Variants in PCDHA1 observed in about 807,000 individuals in gnomAD.
PCDHA1 encodes protocadherin alpha 1, also known as protocadherin alpha-1.
PCDHA1 carries 42 observed loss-of-function variants against 61.3 expected under a neutral mutation model. The ratio of observed to expected loss-of-function variants is 0.69; its 90% CI spans 0.54 to 0.89. The LOEUF (loss-of-function observed/expected upper bound fraction) is 0.89. Ranked by LOEUF, PCDHA1 falls within the 40% of genes least tolerant of loss-of-function variation. PCDHA1 has a pLI of 0.00. For synonymous variants in PCDHA1, 610 were observed against 553.8 expected (o/e 1.10, Z -1.43); for missense variants, 1,256 against 1,235.3 (o/e 1.02, Z -0.25).
At chr5:140,982,241 T>G in intron 2 of PCDHA1, 1 of 696,668 alleles carries the variant, frequency 1.4e-6, no homozygotes, top group South Asian at 3.3e-5. Context: ...AGAATTGCCA[T>G]AAAGATAGAA....
chr5:140,948,495 G>T (rs2094260954), intron 1 of PCDHA1, among the ~76,000 whole-genome samples: 1 of 151,424 alleles, frequency 6.6e-6, no homozygotes, highest in African/African-American at 2.4e-5. Context: ...TTCTTTCATA[G>T]ACTTTCTATT....
At chr5:140,855,966 TAAGAA>T in intron 1 of PCDHA1, 1 of 1,422,780 alleles carries the variant, frequency 7.0e-7, no homozygotes, top group Non-Finnish European at 9.5e-7. Context: ...AAAATAGATA[TAAGAA>T]ATAGGACAGA....
At chr5:140,823,119 C>A in intron 1 of PCDHA1, 1 of 1,614,054 alleles carries the variant, frequency 6.2e-7, no homozygotes, top group Non-Finnish European at 8.5e-7. Context: ...CCGACGTGAA[C>A]GACAACGCTC....
At position 140,795,794 on chromosome 5, in the gene PCDHA1, T is replaced by C. The variant is rs199883861; in HGVS notation, c.2394+7110T>C. On this transcript the variant is annotated intron_variant, in intron 1 of 3. Coordinates refer to ENST00000504120, the MANE Select transcript of PCDHA1 (RefSeq NM_018900.4). ...GCAGATGAAGGACCGAACAGCGAGA[T>C]TGTGTATTCACTCGGTAGTGATGTG... The C allele has an allele frequency of 2.3e-5, 37 of 1,613,644 alleles. 1 individual carries two copies. The South Asian group carries it at 3.3e-4, about 14-fold the overall frequency.
At chr5:140,821,208 T>A (rs879956667) in intron 1 of PCDHA1, among the ~76,000 whole-genome samples, 1 of 152,160 alleles carries the variant, frequency 6.6e-6, no homozygotes, top group Non-Finnish European at 1.5e-5. Flanking sequence ...AAGTTTTAAT[T>A]AGATATGTTT....
chr5:140,790,005 T>C (rs782721405), intron 1 of PCDHA1, among the ~76,000 whole-genome samples: 11 of 152,240 alleles, frequency 7.2e-5, no homozygotes, highest in Non-Finnish European at 4.4e-5. Context: ...GGAGTCATTA[T>C]TTCAAAAATC....
intron 1 of PCDHA1, chr5:140,835,368 C>A: frequency 1.2e-6 from 2 of 1,613,924 alleles, no homozygotes; most frequent in African/African-American, 1.3e-5. Flanking sequence ...AGGCTTCCCA[C>A]CCCTGGCTGG....
rs150962684 is a variant in PCDHA1 at position 140,829,379 on chromosome 5, G to A, written c.2394+40695G>A. The A allele has an allele frequency of 1.9e-4, 311 of 1,614,184 alleles. 1 individual carries two copies. The African/African-American group carries it at 3.5e-3, about 18-fold the overall frequency. The stretch of plus-strand genomic sequence containing the variant: ...TGAGTTGGTGGTAACCGCGCGGGAC[G>A]GGGGCTCGCCTTCGCTGTGGGCCAC... On this transcript the variant is annotated intron_variant, in intron 1 of 3. Coordinates refer to ENST00000504120, the MANE Select transcript of PCDHA1 (RefSeq NM_018900.4).
chr5:140,937,606 TACTC>T (rs1186588675), intron 1 of PCDHA1, among the ~76,000 whole-genome samples: 2 of 123,664 alleles, frequency 1.6e-5, no homozygotes, highest in Non-Finnish European at 3.5e-5. Context: ...AACAGAGTGA[TACTC>T]CATCTAAAAA....
chr5:140,966,190 C>G (rs1251814900), intron 1 of PCDHA1: 1 of 203,228 alleles, frequency 4.9e-6, no homozygotes, highest in Non-Finnish European at 9.7e-6. Context: ...AGCCAGACTT[C>G]TAGGGGCTTG....
chr5:140,919,660 T>C (rs561238136), intron 1 of PCDHA1, among the ~76,000 whole-genome samples: 1 of 152,360 alleles, frequency 6.6e-6, no homozygotes, highest in African/African-American at 2.4e-5. Flanking sequence ...TTACCATATA[T>C]ATTTTAGCTT....
chr5:140,978,829 T>A (rs2096825254), intron 1 of PCDHA1, 120 bp from the exon 2 acceptor site: 2 of 1,533,852 alleles, frequency 1.3e-6, no homozygotes, highest in Admixed American at 2.0e-5. Flanking sequence ...ATGAAATGGC[T>A]CATTCAATAC....
At chr5:140,836,407 C>T (rs2150259988) in intron 1 of PCDHA1, 23 of 1,613,770 alleles carry the variant, frequency 1.4e-5, no homozygotes, top group Non-Finnish European at 1.9e-5. Context: ...AGCGGCCAGG[C>T]ACCAAAGGCG....
At chr5:140,899,795 G>A (rs551068307) in intron 1 of PCDHA1, among the ~76,000 whole-genome samples, 59 of 152,222 alleles carry the variant, frequency 3.9e-4, no homozygotes, top group Non-Finnish European at 7.5e-4. Flanking sequence ...ATTCGGCTGT[G>A]AATCCAATAT....
In PCDHA1 at chr5:140,788,600, GGCCTTCAGCCCAGGCC is replaced by G. The variant is rs1554118301; in HGVS notation, c.2311_2326del (p.Ala771TyrfsTer37). 6.2e-7 allele frequency: 1 copy of G among 1,614,046 alleles called. No homozygotes were observed. The highest frequency in any genetic ancestry group is 8.5e-7 in the Non-Finnish European group (1 of 1,180,018). On this transcript the variant is annotated frameshift_variant, in exon 1 of 4. Transcript: ENST00000504120. LOFTEE classifies it high-confidence loss of function. The stretch of plus-strand genomic sequence containing the variant: ...AGGGCCCACCCAAGACCGACCTCAT[GGCCTTCAGCCCAGGCC>G]TATCTCCAAGTCTTAACACGTCAGA...
chr5:140,963,438 CT>C (rs2095766112), intron 1 of PCDHA1, among the ~76,000 whole-genome samples: 1 of 152,242 alleles, frequency 6.6e-6, no homozygotes, highest in Admixed American at 6.5e-5. Context: ...TAACTTCATA[CT>C]CTGTTGCTAA....
chr5:140,829,341 G>A (rs1554131894), intron 1 of PCDHA1: 7 of 1,614,256 alleles, frequency 4.3e-6, no homozygotes, highest in African/African-American at 4.0e-5. Flanking sequence ...GACCGCGAGA[G>A]CGTGTCGGCC....
At chr5:140,862,877 G>A (rs782429840) in intron 1 of PCDHA1, 3 of 567,440 alleles carry the variant, frequency 5.3e-6, no homozygotes, top group African/African-American at 3.8e-5. Context: ...CCAGGTATTA[G>A]TGCTGGAACG....
intron 1 of PCDHA1, chr5:140,850,409 C>G: frequency 6.3e-7 from 1 of 1,597,868 alleles, no homozygotes; most frequent in South Asian, 1.1e-5. Flanking sequence ...GTGCCCTGGA[C>G]GAAACGGACG....
Sources: allele counts gnomAD v4.1 joint callset (sites outside exome capture counted in the v4.1 genomes callset), GRCh38; gene constraint gnomAD v4.1.1; transcripts MANE v1.5; gene names NCBI Gene and HGNC (gene_info 2026-07-23, HGNC 2026-07-21).